NEK10: variants seen among roughly 807,000 people sequenced by gnomAD.
NEK10 encodes the protein serine/threonine-protein kinase Nek10.
A neutral mutation model predicts 159.8 loss-of-function variants in NEK10; 122 were observed. That is an observed-to-expected ratio of 0.76 (90% CI 0.66 to 0.89). The LOEUF (loss-of-function observed/expected upper bound fraction) is 0.89, where lower values mean the gene tolerates loss of function less well. Among genes scored for constraint, NEK10 ranks in the 40% least tolerant of loss-of-function variants. The probability of loss-of-function intolerance (pLI) is 0.00; values close to 1 mark genes in which losing one functional copy is unlikely to be tolerated. For missense variants in NEK10, 1,342 were observed against 1,323.1 expected, an observed-to-expected ratio of 1.01 and a Z score of -0.22; for synonymous variants, 466 against 457.1, an observed-to-expected ratio of 1.02 and a Z score of -0.25.
intron 23 of NEK10, chr3:27,215,585 A>C (rs1338962597): frequency 2.1e-6 from 1 of 470,362 alleles, no homozygotes; most frequent in East Asian, 3.2e-5. Context: ...AAATGAGAGA[A>C]AGGCAAAAGG....
chr3:27,119,676 G>T, intron 33 of NEK10, 84 bp downstream of exon 33: 1 of 1,042,700 alleles, frequency 9.6e-7, no homozygotes, highest in Non-Finnish European at 1.5e-6. Context: ...AAAAAAAATT[G>T]GAGATAATCT....
At chr3:27,249,991 A>T (rs769474099) in intron 23 of NEK10, among the ~76,000 whole-genome samples, 22 of 152,308 alleles carry the variant, frequency 1.4e-4, no homozygotes, top group Admixed American at 3.3e-4. Context: ...AAGCAAAAAG[A>T]AAACATAAAA....
intron 32 of NEK10, among the ~76,000 whole-genome samples, chr3:27,120,532 G>A (rs1941154786): frequency 2.0e-5 from 3 of 151,356 alleles, no homozygotes; most frequent in South Asian, 4.2e-4. Flanking sequence ...GTTTCACCAT[G>A]TTGGCCAGGC....
chr3:27,251,376 G>C (rs1436420259), intron 23 of NEK10, among the ~76,000 whole-genome samples: 1 of 152,196 alleles, frequency 6.6e-6, no homozygotes, highest in Non-Finnish European at 1.5e-5. Flanking sequence ...ACTGGATCAT[G>C]GGGGTGGATT....
intron 26 of NEK10, among the ~76,000 whole-genome samples, chr3:27,182,217 T>C (rs993211440): frequency 3.9e-5 from 6 of 152,186 alleles, no homozygotes; most frequent in Non-Finnish European, 8.8e-5. Context: ...ACAAAAATTA[T>C]ACTGTGTGGT....
chr3:27,177,259 C>A (rs999389979), intron 26 of NEK10, among the ~76,000 whole-genome samples: 1 of 151,996 alleles, frequency 6.6e-6, no homozygotes, highest in Admixed American at 6.6e-5. Flanking sequence ...ATTTGTATTT[C>A]TAGGCCAGGC....
chr3:27,363,654 T>C (rs553963911), intron 1 of NEK10: 3 of 152,290 alleles, frequency 2.0e-5, no homozygotes, highest in Admixed American at 2.0e-4. Flanking sequence ...GAAAAGAATA[T>C]AAAGTATTAC....
At chr3:27,348,133 A>G (rs1347063530) in intron 3 of NEK10, among the ~76,000 whole-genome samples, 1 of 152,216 alleles carries the variant, frequency 6.6e-6, no homozygotes. Flanking sequence ...TCTAACATGA[A>G]GTAGCAGCAC....
intron 33 of NEK10, 64 bp downstream of exon 33, chr3:27,119,696 A>C (rs968263194): frequency 5.7e-6 from 7 of 1,220,906 alleles, no homozygotes; most frequent in Non-Finnish European, 8.3e-6. Flanking sequence ...TTTTAGAAAT[A>C]GCTGTTGATC....
chr3:27,168,714 C>T (rs558214955), intron 29 of NEK10, among the ~76,000 whole-genome samples: 10 of 152,176 alleles, frequency 6.6e-5, no homozygotes, highest in Non-Finnish European at 1.2e-4. Flanking sequence ...TGGCATGTCA[C>T]GCTGTATTAC....
chr3:27,164,407 G>A (rs1477111637), intron 29 of NEK10, among the ~76,000 whole-genome samples: 1 of 152,172 alleles, frequency 6.6e-6, no homozygotes, highest in Non-Finnish European at 1.5e-5. Flanking sequence ...AATGGAAACC[G>A]ATTGTAAGCA....
At chr3:27,157,263 T>C (rs1945567075) in intron 30 of NEK10, among the ~76,000 whole-genome samples, 1 of 151,422 alleles carries the variant, frequency 6.6e-6, no homozygotes, top group South Asian at 2.1e-4. Context: ...CACCAAAATC[T>C]CACAAATCAC....
At chr3:27,160,847 A>G (rs1182499231) in intron 30 of NEK10, among the ~76,000 whole-genome samples, 1 of 152,210 alleles carries the variant, frequency 6.6e-6, no homozygotes. Flanking sequence ...AGGAGGCTTC[A>G]GTGAGCTGAG....
intron 30 of NEK10, among the ~76,000 whole-genome samples, chr3:27,156,898 G>A (rs1945493420): frequency 1.7e-5 from 2 of 120,870 alleles, no homozygotes; most frequent in Admixed American, 1.1e-4. Context: ...CAACCCAAAT[G>A]CCCATCAATC....
At chr3:27,185,198 A>T (rs1948501054) in intron 26 of NEK10, among the ~76,000 whole-genome samples, 1 of 152,194 alleles carries the variant, frequency 6.6e-6, no homozygotes, top group Non-Finnish European at 1.5e-5. Flanking sequence ...TCCAAAGTAG[A>T]TGGAATTTAA....
intron 26 of NEK10, among the ~76,000 whole-genome samples, chr3:27,183,553 T>C (rs952322240): frequency 1.3e-5 from 2 of 151,984 alleles, no homozygotes; most frequent in Admixed American, 6.6e-5. Flanking sequence ...CAAAAAACAC[T>C]GACCACCACA....
intron 25 of NEK10, among the ~76,000 whole-genome samples, chr3:27,201,073 A>G (rs1374372424): frequency 6.6e-6 from 1 of 152,158 alleles, no homozygotes; most frequent in Non-Finnish European, 1.5e-5. Flanking sequence ...AATTATGATA[A>G]ATCACATTAT....
chr3:27,306,643 G>T (rs2044265753), intron 11 of NEK10, among the ~76,000 whole-genome samples: 1 of 152,144 alleles, frequency 6.6e-6, no homozygotes, highest in African/African-American at 2.4e-5. Flanking sequence ...ATTTATCAGA[G>T]ACCATCATGA....
rs372412417 is a variant in NEK10 at position 27,297,192 on chromosome 3, T to A, written c.1217A>T (p.His406Leu). ...TELVLNDTNA[H>L]QVVQENGVYT... ...GAGTGCTCTCACCTGAACCACCTGG[T>A]GGGCATTGGTGTCATTGAGCACCAG... The change falls in exon 14 of 36, where the codon CAC becomes CTC. Residue 406 changes from histidine (H) to leucine (L), a missense_variant. His to Leu is a moderately conservative substitution (Grantham distance 99). Transcript: ENST00000691995. 197 of 1,612,746 alleles carry A rather than the reference T, an allele frequency of 1.2e-4. 1 individual carries two copies. The Middle Eastern group carries it at 1.3e-3, about 11-fold the overall frequency.
Sources: allele counts gnomAD v4.1 joint callset (sites outside exome capture counted in the v4.1 genomes callset), GRCh38; gene constraint gnomAD v4.1.1; transcripts MANE v1.5; gene names NCBI Gene and HGNC (gene_info 2026-07-23, HGNC 2026-07-21).